Variants in CAMTA1 observed in about 807,000 individuals in gnomAD.
CAMTA1 encodes the protein calmodulin binding transcription activator 1.
A neutral mutation model predicts 170.9 loss-of-function variants in CAMTA1; 27 were observed. The ratio of observed to expected loss-of-function variants is 0.16; its 90% CI spans 0.12 to 0.22. The LOEUF is 0.22. CAMTA1 is among the 10% of genes least tolerant of loss of function. CAMTA1 has a pLI of 1.00. For missense variants in CAMTA1, 1,619 were observed against 2,217.2 expected, an observed-to-expected ratio of 0.73 and a Z score of 5.42; for synonymous variants, 833 against 891.5, an observed-to-expected ratio of 0.93 and a Z score of 1.17.
At chr1:7,077,227 T>TG (rs1639413586) in intron 3 of CAMTA1, among the ~76,000 whole-genome samples, 1 of 148,048 alleles carries the variant, frequency 6.8e-6, no homozygotes, top group South Asian at 2.1e-4. Flanking sequence ...AGGAAAGGTT[T>TG]TTTTTTTTTT....
At chr1:7,493,367 ACGTG>A (rs1314917872) in intron 6 of CAMTA1, among the ~76,000 whole-genome samples, 10 of 86,778 alleles carry the variant, frequency 1.2e-4, no homozygotes, top group Admixed American at 8.4e-4. Flanking sequence ...ATACAAACAC[ACGTG>A]CGCACACACA....
chr1:7,085,225 A>G (rs1640581775), intron 3 of CAMTA1, among the ~76,000 whole-genome samples: 1 of 152,172 alleles, frequency 6.6e-6, no homozygotes, highest in African/African-American at 2.4e-5. Context: ...GATTGGCCAG[A>G]GCTGCCTCCT....
chr1:7,102,368 G>A (rs1362751847), intron 4 of CAMTA1, among the ~76,000 whole-genome samples: 1 of 152,098 alleles, frequency 6.6e-6, no homozygotes, highest in Non-Finnish European at 1.5e-5. Flanking sequence ...CTGAAGCATT[G>A]GTGGCTGGCG....
At chr1:7,488,803 T>C (rs2093658638) in intron 6 of CAMTA1, among the ~76,000 whole-genome samples, 2 of 152,098 alleles carry the variant, frequency 1.3e-5, no homozygotes, top group East Asian at 3.9e-4. Flanking sequence ...TACACACATG[T>C]AATACAAATA....
chr1:7,618,455 A>G (rs1041614567), intron 6 of CAMTA1, among the ~76,000 whole-genome samples: 1 of 152,176 alleles, frequency 6.6e-6, no homozygotes, highest in Admixed American at 6.5e-5. Context: ...CACCTTTGGA[A>G]AAGACGTCAG....
chr1:7,148,001 T>C (rs1646328162), intron 4 of CAMTA1, among the ~76,000 whole-genome samples: 1 of 147,906 alleles, frequency 6.8e-6, no homozygotes, highest in African/African-American at 2.5e-5. Flanking sequence ...ATGCACCATG[T>C]ACACACTCAA....
At chr1:7,447,343 G>A (rs895675756) in intron 5 of CAMTA1, among the ~76,000 whole-genome samples, 4 of 151,532 alleles carry the variant, frequency 2.6e-5, no homozygotes, top group Non-Finnish European at 5.9e-5. Context: ...CCGTCTGGAG[G>A]GAGAGTAGGG....
intron 3 of CAMTA1, among the ~76,000 whole-genome samples, chr1:6,896,264 C>T (rs940314786): frequency 2.6e-5 from 4 of 152,152 alleles, no homozygotes; most frequent in Admixed American, 6.5e-5. Flanking sequence ...CCTAGTTCAC[C>T]CCAAATGAGA....
At chr1:7,553,151 ATGAG>A (rs1461058746) in intron 6 of CAMTA1, among the ~76,000 whole-genome samples, 1 of 152,260 alleles carries the variant, frequency 6.6e-6, no homozygotes, top group Non-Finnish European at 1.5e-5. Context: ...GAATGAATGA[ATGAG>A]TGAATGCATG....
chr1:6,893,492 A>T (rs566398773), intron 3 of CAMTA1, among the ~76,000 whole-genome samples: 2 of 152,212 alleles, frequency 1.3e-5, no homozygotes, highest in African/African-American at 2.4e-5. Flanking sequence ...TAGGAAACAG[A>T]TGAGACAGTC....
chr1:7,472,710 G>A (rs922672458), intron 6 of CAMTA1, among the ~76,000 whole-genome samples: 1 of 152,264 alleles, frequency 6.6e-6, no homozygotes, highest in African/African-American at 2.4e-5. Context: ...TGCCAGCCCT[G>A]GGTCCCCCTA....
intron 3 of CAMTA1, among the ~76,000 whole-genome samples, chr1:6,978,112 T>C (rs1572173199): frequency 6.6e-6 from 1 of 151,762 alleles, no homozygotes; most frequent in Non-Finnish European, 1.5e-5. Flanking sequence ...GGCTAATGGG[T>C]TAAAAAAAAT....
intron 6 of CAMTA1, among the ~76,000 whole-genome samples, chr1:7,498,440 AGTGT>A (rs576135090): frequency 6.9e-6 from 1 of 145,562 alleles, no homozygotes; most frequent in Non-Finnish European, 1.5e-5. Flanking sequence ...CGTGTGTATG[AGTGT>A]GTGTGAATGT....
chr1:7,219,408 C>T (rs1477694008), intron 4 of CAMTA1: 2 of 151,870 alleles, frequency 1.3e-5, no homozygotes, highest in East Asian at 1.9e-4. Flanking sequence ...GGTGGTACTC[C>T]CAGGGTGAGG....
chr1:7,117,264 C>T (rs1644390085), intron 4 of CAMTA1, among the ~76,000 whole-genome samples: 1 of 152,230 alleles, frequency 6.6e-6, no homozygotes, highest in African/African-American at 2.4e-5. Context: ...AGCCACCACA[C>T]CTGGCCTATC....
rs57358691 is a variant in CAMTA1 at position 7,144,236 on chromosome 1, A to AGTGTGTGTGTGTGTGTGTGTGTGTGT, written c.302+52881_302+52882insGTGTGTGTGTGTGTGTGTGTGTGTGT. On this transcript the variant is annotated intron_variant, in intron 4 of 22. Coordinates refer to ENST00000303635, the MANE Select transcript of CAMTA1 (RefSeq NM_015215.4). This position sits in a 1 kb window ranked among gnomAD's most constrained non-coding sequence, Gnocchi z 4.0. The stretch of plus-strand genomic sequence containing the variant: ...CTATGTCCTCAGATGGCCTTTTCTA[A>AGTGTGTGTGTGTGTGTGTGTGTGTGT]GTGTGTGTGTGTGTGTATGTGTGTG... Among the ~76,000 whole-genome samples the AGTGTGTGTGTGTGTGTGTGTGTGTGT allele has an allele frequency of 6.6e-6, 1 of 150,392 alleles. No individual in the cohort carries two copies. The highest frequency in any genetic ancestry group is 2.4e-5 in the African/African-American group (1 of 40,872).
chr1:7,032,844 G>T (rs56326896), intron 3 of CAMTA1, among the ~76,000 whole-genome samples: 34,802 of 151,742 alleles, frequency 0.23, 4,127 homozygotes, highest in South Asian at 0.3. Flanking sequence ...GATAGTTTTT[G>T]TTTTTTCTCT....
At chr1:7,548,819 C>G (rs1350323455) in intron 6 of CAMTA1, among the ~76,000 whole-genome samples, 6 of 103,594 alleles carry the variant, frequency 5.8e-5, no homozygotes, top group African/African-American at 1.9e-4. Context: ...GGAGGGCACC[C>G]CTTAGGGGTG....
Position 7,044,358 on chromosome 1 carries a change from C to T in CAMTA1, c.235-46946C>T, listed in dbSNP as rs957375768. Among the ~76,000 whole-genome samples the T allele has an allele frequency of 2.6e-5, 4 of 151,846 alleles. No individual in the cohort carries two copies. The highest frequency in any genetic ancestry group is 2.1e-4 in the South Asian group (1 of 4,812). ...GGACCCCGGGGACTCAGAGCAGTGC[C>T]GCTGGGGACCCTGGGGACTCACAGC... On this transcript the variant is annotated intron_variant, in intron 3 of 22. Coordinates refer to ENST00000303635, the MANE Select transcript of CAMTA1 (RefSeq NM_015215.4). This position sits in a 1 kb window ranked among gnomAD's most constrained non-coding sequence, Gnocchi z 5.0.
Sources: gnomAD v4.1 joint callset for allele counts (sites outside exome capture counted in the v4.1 genomes callset) on GRCh38, gnomAD v4.1.1 for gene constraint, Gnocchi (gnomAD v3.1) non-coding constraint, MANE v1.5 for transcripts, NCBI Gene and HGNC (gene_info 2026-07-23, HGNC 2026-07-21) for gene names.